ARMC8: variants seen among roughly 807,000 people sequenced by gnomAD.
ARMC8 encodes the protein armadillo repeat containing 8.
In ARMC8, 20 loss-of-function variants were observed where a neutral mutation model predicts 99.3. The ratio of observed to expected loss-of-function variants is 0.20; its 90% CI spans 0.14 to 0.29. ARMC8 has a LOEUF of 0.29. ARMC8 is among the 10% of genes least tolerant of loss of function. The pLI, the probability that ARMC8 is intolerant of heterozygous loss-of-function variation, is 1.00. For synonymous variants in ARMC8, 263 were observed against 278.3 expected (o/e 0.95, Z 0.55); for missense variants, 569 against 809.5 (o/e 0.70, Z 3.60).
At chr3:138,259,751 A>C (rs1279375027) in intron 12 of ARMC8, among the ~76,000 whole-genome samples, 1 of 152,052 alleles carries the variant, frequency 6.6e-6, no homozygotes, top group Non-Finnish European at 1.5e-5. Flanking sequence ...TTATAGCTAT[A>C]CTCTGTCTCC....
In ARMC8 at chr3:138,290,553, A is replaced by G. The variant is rs1433572406; in HGVS notation, c.1902A>G (p.Gln634=). 3 of 1,601,898 alleles carry G rather than the reference A, an allele frequency of 1.9e-6. No homozygotes were observed. The Admixed American group carries it at 5.2e-5, about 28-fold the overall frequency. The change falls in exon 21 of 22, where the codon CAA becomes CAG. Residue 634 remains glutamine, a synonymous_variant. Transcript: ENST00000469044. Reference sequence around the variant, plus strand: ...CTGGCTTTAATCGTTTAGGTTCACAAGAACGCCAGGATAAATTACGAGACA... The same window carrying G: ...CTGGCTTTAATCGTTTAGGTTCACAGGAACGCCAGGATAAATTACGAGACA... ...NLIWNEEEGS[Q]ERQDKLRDMG...
intron 11 of ARMC8, 98 bp from the exon 12 acceptor site, chr3:138,244,990 T>A: frequency 1.4e-6 from 2 of 1,433,990 alleles, no homozygotes; most frequent in Non-Finnish European, 1.9e-6. Flanking sequence ...TTCACTAAAA[T>A]CTAAAAGTTG....
At chr3:138,250,656 T>C (rs1462117427) in intron 12 of ARMC8, among the ~76,000 whole-genome samples, 1 of 152,210 alleles carries the variant, frequency 6.6e-6, no homozygotes, top group African/African-American at 2.4e-5. Flanking sequence ...CTACCTAACT[T>C]TGATGACCTA....
chr3:138,197,844 G>A (rs947938574), intron 1 of ARMC8, among the ~76,000 whole-genome samples: 8 of 152,122 alleles, frequency 5.3e-5, no homozygotes, highest in African/African-American at 1.7e-4. Context: ...ATTTAATAGT[G>A]AGAAGAAACC....
At chr3:138,224,916 T>C (rs1194103525) in intron 5 of ARMC8, among the ~76,000 whole-genome samples, 3 of 152,138 alleles carry the variant, frequency 2.0e-5, no homozygotes, top group Non-Finnish European at 4.4e-5. Context: ...TTTATCTCTC[T>C]ATATGTAGAA....
In ARMC8 at chr3:138,237,589, T is replaced by C; in HGVS notation, c.776+17T>C. 2 of 1,603,566 alleles carry C rather than the reference T, an allele frequency of 1.2e-6. No individual in the cohort carries two copies. Among genetic ancestry groups the C allele is most frequent in the South Asian group, 1.1e-5 (1 of 90,106 alleles). On this transcript the variant is annotated intron_variant, in intron 9 of 21. Transcript: ENST00000469044. ...AGCAAAATGGTAAAAGTCAGGACAA[T>C]GTGGGAAGAAAGACAGTGCTTTATC... is the stretch of plus-strand genomic sequence containing the variant.
At chr3:138,263,092 A>G (rs900105000) in intron 12 of ARMC8, among the ~76,000 whole-genome samples, 7 of 152,244 alleles carry the variant, frequency 4.6e-5, no homozygotes, top group Admixed American at 1.3e-4. Flanking sequence ...CTGTTTTTCA[A>G]TAGGCCCACA....
At chr3:138,190,068 T>C (rs182998081) in intron 1 of ARMC8, among the ~76,000 whole-genome samples, 41 of 134,916 alleles carry the variant, frequency 3.0e-4, no homozygotes, top group African/African-American at 8.9e-4. Context: ...TTCAGGACTT[T>C]GTTGTTTTGT....
At chr3:138,281,227 T>C (rs1467187597) in intron 18 of ARMC8, among the ~76,000 whole-genome samples, 1 of 152,062 alleles carries the variant, frequency 6.6e-6, no homozygotes, top group Non-Finnish European at 1.5e-5. Flanking sequence ...GGTGTGTGTG[T>C]GTGTGTGTAG....
intron 20 of ARMC8, among the ~76,000 whole-genome samples, 200 bp downstream of exon 20, chr3:138,289,320 T>C (rs2050725781): frequency 6.6e-6 from 1 of 152,126 alleles, no homozygotes; most frequent in African/African-American, 2.4e-5. Context: ...GAGTGCCCCG[T>C]TGGAGCCAAC....
intron 1 of ARMC8, among the ~76,000 whole-genome samples, chr3:138,200,716 C>G (rs967282259): frequency 6.6e-6 from 1 of 152,070 alleles, no homozygotes; most frequent in African/African-American, 2.4e-5. Flanking sequence ...CTTCCCTTTT[C>G]TCACCTCCAC....
chr3:138,191,630 C>A (rs1305810966), intron 1 of ARMC8, among the ~76,000 whole-genome samples: 7 of 152,164 alleles, frequency 4.6e-5, no homozygotes, highest in African/African-American at 1.7e-4. Flanking sequence ...CTCATATTCC[C>A]TCTTTATAGT....
chr3:138,276,529 T>C (rs987680221), intron 18 of ARMC8, among the ~76,000 whole-genome samples: 7 of 152,158 alleles, frequency 4.6e-5, no homozygotes, highest in Non-Finnish European at 8.8e-5. Flanking sequence ...TGAATGCCTA[T>C]AATAGAAAAT....
At chr3:138,201,910 C>G (rs1240419377) in intron 1 of ARMC8, among the ~76,000 whole-genome samples, 4 of 152,154 alleles carry the variant, frequency 2.6e-5, no homozygotes, top group Non-Finnish European at 4.4e-5. Flanking sequence ...CACTAAATCA[C>G]TTTAATATGG....
intron 18 of ARMC8, among the ~76,000 whole-genome samples, chr3:138,282,361 T>C (rs2050013641): frequency 6.6e-6 from 1 of 152,034 alleles, no homozygotes; most frequent in Admixed American, 6.6e-5. Flanking sequence ...AAAAGAATAC[T>C]TGTAGGCTGG....
rs201024459 is a variant in ARMC8, at chr3:138,239,433, C to A, written c.777-35C>A. The A allele has an allele frequency of 1.1e-5, 16 of 1,523,746 alleles. No individual in the cohort carries two copies. The East Asian group carries it at 3.7e-4, about 36-fold the overall frequency. 94.4% of individuals were successfully genotyped at this position (1,523,746 alleles called of 1,614,324 possible). On this transcript the variant is annotated intron_variant, in intron 9 of 21. Transcript: ENST00000469044. Reference sequence around the variant, plus strand: ...ATTTTTCATTTAAAGCTTTAAACTCCAAGCAAAAACTTATTTTCTGCTGTC... The same window carrying A: ...ATTTTTCATTTAAAGCTTTAAACTCAAAGCAAAAACTTATTTTCTGCTGTC...
chr3:138,249,707 A>G (rs529664733), intron 12 of ARMC8, among the ~76,000 whole-genome samples: 27 of 152,124 alleles, frequency 1.8e-4, no homozygotes, highest in Non-Finnish European at 3.7e-4. Flanking sequence ...TGATTGAACT[A>G]CCTGCATTGT....
chr3:138,248,791 G>GTT (rs2046994604), intron 12 of ARMC8, among the ~76,000 whole-genome samples: 1 of 152,188 alleles, frequency 6.6e-6, no homozygotes, highest in Non-Finnish European at 1.5e-5. Context: ...GAAATTAGAA[G>GTT]TAAAGTGTAA....
chr3:138,216,682 C>A (rs954397015), intron 2 of ARMC8, among the ~76,000 whole-genome samples: 1 of 152,068 alleles, frequency 6.6e-6, no homozygotes, highest in Non-Finnish European at 1.5e-5. Context: ...GTGTTTTTTT[C>A]TTATTTTACA....
Sources: gnomAD v4.1 joint callset for allele counts (sites outside exome capture counted in the v4.1 genomes callset) on GRCh38, gnomAD v4.1.1 for gene constraint, MANE v1.5 for transcripts, NCBI Gene and HGNC (gene_info 2026-07-23, HGNC 2026-07-21) for gene names.